The following SGSM1 variants were observed in gnomAD, a reference collection of about 807,000 sequenced individuals.
SGSM1 encodes RUN and TBC1 domain containing 2.
Under a neutral mutation model 133.8 loss-of-function variants are expected in SGSM1, and 73 were observed. That is an observed-to-expected ratio of 0.55 (90% CI 0.45 to 0.66). SGSM1 has a LOEUF of 0.66. SGSM1 is among the 30% of genes least tolerant of loss of function. SGSM1 has a pLI of 0.00. For missense variants in SGSM1, 1,213 were observed against 1,448.1 expected (o/e 0.84, Z 2.64); for synonymous variants, 563 against 573.0 (o/e 0.98, Z 0.25).
At chr22:24,846,173 G>C (rs941172432) in intron 3 of SGSM1, among the ~76,000 whole-genome samples, 3 of 151,022 alleles carry the variant, frequency 2.0e-5, no homozygotes, top group Non-Finnish European at 4.4e-5. Context: ...CGAGTAGCTG[G>C]GACCACAAGT....
chr22:24,830,309 A>G (rs746435225), intron 2 of SGSM1, among the ~76,000 whole-genome samples: 2 of 152,152 alleles, frequency 1.3e-5, no homozygotes, highest in Non-Finnish European at 2.9e-5. Flanking sequence ...GCTGAGAACT[A>G]CCTGCACCCT....
At chr22:24,856,564 G>A (rs1437210610) in intron 8 of SGSM1, among the ~76,000 whole-genome samples, 1 of 152,112 alleles carries the variant, frequency 6.6e-6, no homozygotes, top group African/African-American at 2.4e-5. Context: ...TTGGTTGCAT[G>A]GTCATTGTGG....
Position 24,907,164 on chromosome 22 carries a change from G to A in SGSM1, c.2818+1977G>A, listed in dbSNP as rs935842681. 1.5e-4 allele frequency among the ~76,000 whole-genome samples: 23 copies of A among 151,724 alleles called. No individual in the cohort carries two copies. In the East Asian group the frequency reaches 4.5e-3, roughly 29 times the overall value. ...AATCCCAGCTACTTGGGAGGCTGGG[G>A]CAGGAGAATTGCTTGAACCTGGGAG... On this transcript the variant is annotated intron_variant, in intron 21 of 24. Coordinates refer to ENST00000400358, the MANE Select transcript of SGSM1 (RefSeq NM_001098497.3).
chr22:24,848,337 A>G (rs904547928), intron 4 of SGSM1, among the ~76,000 whole-genome samples: 8 of 152,154 alleles, frequency 5.3e-5, no homozygotes, highest in Non-Finnish European at 1.0e-4. Flanking sequence ...GATAGAACCA[A>G]TATGGCCTCT....
chr22:24,838,822 T>C (rs1748661160), intron 2 of SGSM1, among the ~76,000 whole-genome samples: 2 of 152,148 alleles, frequency 1.3e-5, no homozygotes, highest in African/African-American at 4.8e-5. Flanking sequence ...CGAACTTCAT[T>C]CTTCTTGTTG....
At chr22:24,814,358 G>A (rs1680759898) in intron 2 of SGSM1, among the ~76,000 whole-genome samples, 1 of 152,188 alleles carries the variant, frequency 6.6e-6, no homozygotes, top group South Asian at 2.1e-4. Flanking sequence ...CCCCCATGAA[G>A]TAGATAAAAT....
rs1038290904 is a variant in SGSM1 at position 24,901,919 on chromosome 22, G to A, written c.2697G>A (p.Thr899=). 13 of 1,381,160 alleles carry A rather than the reference G, an allele frequency of 9.4e-6. No individual in the cohort carries two copies. The highest frequency in any genetic ancestry group is 3.1e-5 in the African/African-American group (2 of 65,520). 85.6% of individuals were successfully genotyped at this position (1,381,160 alleles called of 1,614,324 possible). A position where few individuals can be genotyped will look rare whatever the true frequency, so the allele number is the denominator to read the frequency against. ...GCGACCGCAACTACTGGTACTTCAC[G>A]CCCGCCAACTTGGAGAAGCTGCGTA... is the stretch of plus-strand genomic sequence containing the variant. ...QRCDRNYWYF[T]PANLEKLRNI... The change falls in exon 20 of 25, where the codon ACG becomes ACA. Residue 899 remains threonine, a synonymous_variant. Coordinates refer to ENST00000400358, the MANE Select transcript of SGSM1 (RefSeq NM_001098497.3).
At position 24,886,924 on chromosome 22, in the gene SGSM1, A is replaced by G. The variant is rs187181258; in HGVS notation, c.1770+196A>G. 1.7e-3 allele frequency among the ~76,000 whole-genome samples: 265 copies of G among 152,330 alleles called. 1 individual carries two copies. The highest frequency in any genetic ancestry group is 6.0e-3 in the African/African-American group (248 of 41,580). On this transcript the variant is annotated intron_variant, in intron 16 of 24. Coordinates refer to ENST00000400358, the MANE Select transcript of SGSM1 (RefSeq NM_001098497.3). ...CAATTTTTACGTTTTTAAATTTTGG[A>G]CTAAGTGTAGATTATGCAGTTGTAA...
Position 24,855,624 on chromosome 22 carries a change from C to T in SGSM1, c.745C>T (p.His249Tyr), listed in dbSNP as rs1474768910. ...TGCCCGCGACTACGTGGAGTCCCTG[C>T]ATCAGAACTCCCGTGCCACCCTTCT... ...LSARDYVESLHQNSRATLLYG... is the reference protein window; with the variant it reads ...LSARDYVESLYQNSRATLLYG... Residue 249 changes from histidine (H) to tyrosine (Y), a missense_variant, in exon 8 of 25, where the codon CAT becomes TAT. Coordinates refer to ENST00000400358, the MANE Select transcript of SGSM1 (RefSeq NM_001098497.3). The T allele has an allele frequency of 6.2e-7, 1 of 1,614,008 alleles. No homozygotes were observed. The highest frequency in any genetic ancestry group is 1.1e-5 in the South Asian group (1 of 91,082).
chr22:24,838,390 A>G lies in SGSM1; in HGVS notation c.64-6507A>G, dbSNP rs1297301247. On this transcript the variant is annotated intron_variant, in intron 2 of 24. Transcript: ENST00000400358. ...GTTTATATAGCCAGGAAGAAATGCA[A>G]CAATGTGTAAGAAAACAAGAACTAG... Among the ~76,000 whole-genome samples, 8 of 152,364 alleles carry G rather than the reference A, an allele frequency of 5.3e-5. 1 individual carries two copies. The South Asian group carries it at 1.2e-3, about 24-fold the overall frequency.
At chr22:24,890,178 G>A (rs192907447) in intron 16 of SGSM1, among the ~76,000 whole-genome samples, 3 of 151,606 alleles carry the variant, frequency 2.0e-5, no homozygotes, top group Non-Finnish European at 2.9e-5. Flanking sequence ...GGATGGTCTC[G>A]ATCTCCTGAC....
intron 16 of SGSM1, among the ~76,000 whole-genome samples, chr22:24,890,719 T>G (rs1206135392): frequency 6.6e-6 from 1 of 152,080 alleles, no homozygotes; most frequent in Non-Finnish European, 1.5e-5. Flanking sequence ...GTTTTTTGTA[T>G]TTTTAGTAGA....
At chr22:24,875,483 A>G (rs1931982310) in intron 12 of SGSM1, among the ~76,000 whole-genome samples, 1 of 152,094 alleles carries the variant, frequency 6.6e-6, no homozygotes, top group Non-Finnish European at 1.5e-5. Flanking sequence ...TACAAACACT[A>G]AAATATTTAC....
At chr22:24,910,953 T>TAAATA (rs1169791463) in intron 21 of SGSM1, among the ~76,000 whole-genome samples, 5 of 147,034 alleles carry the variant, frequency 3.4e-5, no homozygotes, top group Non-Finnish European at 7.5e-5. Flanking sequence ...TCAAAATAAA[T>TAAATA]AAATAAAATA....
intron 3 of SGSM1, among the ~76,000 whole-genome samples, chr22:24,845,679 A>G (rs1374704881): frequency 6.6e-6 from 1 of 152,202 alleles, no homozygotes; most frequent in African/African-American, 2.4e-5. Context: ...CTGAGCTGGG[A>G]GAGCTGGCCA....
In SGSM1 at chr22:24,847,851, C is replaced by T. The variant is rs1353315232; in HGVS notation, c.302+55C>T. Reference sequence around the variant, plus strand: ...AGCAGCTCCCCCAATAGTCCACAGTCCTCCCTGGGTCCTGAGAGAGCCTGC... The same window carrying T: ...AGCAGCTCCCCCAATAGTCCACAGTTCTCCCTGGGTCCTGAGAGAGCCTGC... On this transcript the variant is annotated intron_variant, in intron 4 of 24. Transcript: ENST00000400358. 3.2e-6 allele frequency: 5 copies of T among 1,584,644 alleles called. No individual in the cohort carries two copies. In the Admixed American group the frequency reaches 5.2e-5, roughly 16 times the overall value.
At chr22:24,893,139 C>T (rs1338247583) in intron 16 of SGSM1, among the ~76,000 whole-genome samples, 10 of 152,128 alleles carry the variant, frequency 6.6e-5, no homozygotes, top group South Asian at 6.2e-4. Flanking sequence ...TCCCCAGGGC[C>T]TATGTACTAT....
At chr22:24,920,347 CATGCATA>C (rs1933961096) in intron 24 of SGSM1, among the ~76,000 whole-genome samples, 1 of 152,154 alleles carries the variant, frequency 6.6e-6, no homozygotes, top group Admixed American at 6.6e-5. Flanking sequence ...GGAGGGTTGA[CATGCATA>C]GGAAAAGCAG....
At chr22:24,877,436 C>A (rs1199819725) in intron 13 of SGSM1, among the ~76,000 whole-genome samples, 2 of 152,004 alleles carry the variant, frequency 1.3e-5, no homozygotes, top group East Asian at 3.9e-4. Context: ...TTCTGTTTGC[C>A]CATAGATCCT....
Sources: allele counts gnomAD v4.1 joint callset (sites outside exome capture counted in the v4.1 genomes callset), GRCh38; gene constraint gnomAD v4.1.1; transcripts MANE v1.5; gene names NCBI Gene and HGNC (gene_info 2026-07-23, HGNC 2026-07-21).